SCAI: variants seen among roughly 807,000 people sequenced by gnomAD.
The protein encoded by SCAI is protein SCAI.
SCAI carries 24 observed loss-of-function variants against 92.2 expected under a neutral mutation model. The ratio of observed to expected loss-of-function variants is 0.26; its 90% confidence interval spans 0.19 to 0.37. The LOEUF (loss-of-function observed/expected upper bound fraction) is 0.37, where lower values mean the gene tolerates loss of function less well. Ranked by LOEUF, SCAI falls within the 10% of genes least tolerant of loss-of-function variation. The pLI is 1.00. For synonymous variants in SCAI, 261 were observed against 258.6 expected, an observed-to-expected ratio of 1.01 and a Z score of -0.09; for missense variants, 450 against 736.2, an observed-to-expected ratio of 0.61 and a Z score of 4.50.
intron 14 of SCAI, among the ~76,000 whole-genome samples, chr9:124,991,960 A>C (rs74731663): frequency 0.033 from 4,995 of 152,292 alleles, 217 homozygotes; most frequent in Admixed American, 0.091. Flanking sequence ...TCTCTCACTC[A>C]GGCTGGAATG....
At chr9:124,990,648 C>G (rs921467672) in intron 14 of SCAI, among the ~76,000 whole-genome samples, 2 of 151,530 alleles carry the variant, frequency 1.3e-5, no homozygotes, top group Admixed American at 1.3e-4. Flanking sequence ...ACTGAAGAAT[C>G]AAGAATTATC....
intron 2 of SCAI, among the ~76,000 whole-genome samples, chr9:125,107,512 T>A (rs746869601): frequency 9.2e-5 from 14 of 152,102 alleles, no homozygotes; most frequent in Non-Finnish European, 1.8e-4. Context: ...ATGCTTGTAA[T>A]CCTAGCTATT....
intron 11 of SCAI, among the ~76,000 whole-genome samples, chr9:125,002,313 G>A (rs952312781): frequency 2.6e-5 from 4 of 152,136 alleles, no homozygotes; most frequent in Admixed American, 1.3e-4. Context: ...CTTGAATGGA[G>A]AAGTAAAGAT....
intron 9 of SCAI, among the ~76,000 whole-genome samples, chr9:125,014,352 T>C (rs890498018): frequency 3.7e-4 from 56 of 152,208 alleles, no homozygotes; most frequent in African/African-American, 1.4e-3. Flanking sequence ...CAAAAATCAA[T>C]GTACAAAAAT....
intron 13 of SCAI, among the ~76,000 whole-genome samples, chr9:124,997,683 A>C (rs146174573): frequency 0.031 from 4,690 of 151,954 alleles, 186 homozygotes; most frequent in Admixed American, 0.091. Flanking sequence ...CAAGACCAGA[A>C]TGGCCAACAT....
At chr9:125,010,097 G>A (rs1261201231) in intron 9 of SCAI, among the ~76,000 whole-genome samples, 1 of 152,188 alleles carries the variant, frequency 6.6e-6, no homozygotes, top group Non-Finnish European at 1.5e-5. Flanking sequence ...CAGCTCCCAG[G>A]GTAAGCGACG....
chr9:125,093,722 C>T (rs1008009007), intron 2 of SCAI, among the ~76,000 whole-genome samples: 7 of 151,952 alleles, frequency 4.6e-5, no homozygotes, highest in Admixed American at 2.0e-4. Flanking sequence ...CACACTGACA[C>T]GCCTGGCTAA....
intron 2 of SCAI, among the ~76,000 whole-genome samples, chr9:125,116,600 A>G (rs1835051334): frequency 6.6e-6 from 1 of 152,134 alleles, no homozygotes; most frequent in Admixed American, 6.6e-5. Flanking sequence ...GGTTTTTACC[A>G]GTTTATAAGA....
At chr9:125,137,527 A>G (rs1221971344) in intron 2 of SCAI, among the ~76,000 whole-genome samples, 2 of 152,184 alleles carry the variant, frequency 1.3e-5, no homozygotes, top group Non-Finnish European at 2.9e-5. Flanking sequence ...CCATATACCA[A>G]AACCACATTG....
chr9:125,093,100 C>A (rs1402551115), intron 2 of SCAI, among the ~76,000 whole-genome samples: 1 of 152,200 alleles, frequency 6.6e-6, no homozygotes. Context: ...ATGGCTCATG[C>A]CTATAATCCC....
intron 6 of SCAI, among the ~76,000 whole-genome samples, chr9:125,023,960 G>A (rs113566875): frequency 2.2e-4 from 34 of 152,090 alleles, no homozygotes; most frequent in African/African-American, 7.5e-4. Flanking sequence ...AGAAAAAAGA[G>A]TGTGACTCAC....
At chr9:125,045,953 G>A (rs1833425285) in intron 3 of SCAI, among the ~76,000 whole-genome samples, 1 of 151,514 alleles carries the variant, frequency 6.6e-6, no homozygotes, top group African/African-American at 2.4e-5. Flanking sequence ...TTACACTGCT[G>A]GTGGGAATGT....
At chr9:125,075,052 T>C (rs1280931238) in intron 2 of SCAI, among the ~76,000 whole-genome samples, 3 of 151,848 alleles carry the variant, frequency 2.0e-5, no homozygotes, top group Non-Finnish European at 4.4e-5. Flanking sequence ...CTAAAAACAA[T>C]ACATACAAAC....
chr9:124,987,208 G>A (rs939715511), intron 14 of SCAI, among the ~76,000 whole-genome samples: 1 of 152,052 alleles, frequency 6.6e-6, no homozygotes, highest in Admixed American at 6.6e-5. Flanking sequence ...ATTTTTAGTA[G>A]AGATGGGGTT....
At chr9:125,127,879 G>A (rs1378241384) in intron 2 of SCAI, among the ~76,000 whole-genome samples, 3 of 151,916 alleles carry the variant, frequency 2.0e-5, no homozygotes, top group East Asian at 1.9e-4. Flanking sequence ...ATGGTGGTGC[G>A]TTCCTGTAGT....
At chr9:125,019,760 C>A (rs1279011148) in intron 7 of SCAI, among the ~76,000 whole-genome samples, 1 of 152,018 alleles carries the variant, frequency 6.6e-6, no homozygotes, top group East Asian at 1.9e-4. Context: ...CAGAGAGCTA[C>A]TTCTGGTGGC....
chr9:124,991,561 G>C (rs995830775), intron 14 of SCAI, among the ~76,000 whole-genome samples: 1 of 150,756 alleles, frequency 6.6e-6, no homozygotes, highest in Non-Finnish European at 1.5e-5. Flanking sequence ...CTTGCAGGTC[G>C]GGCATGGTGG....
At chr9:124,960,713 G>A (rs955531567) in intron 17 of SCAI, among the ~76,000 whole-genome samples, 5 of 152,206 alleles carry the variant, frequency 3.3e-5, no homozygotes, top group African/African-American at 7.2e-5. Flanking sequence ...CTGGAATGAT[G>A]CTATCTTGTA....
intron 2 of SCAI, among the ~76,000 whole-genome samples, chr9:125,136,855 G>C (rs1425232519): frequency 6.6e-6 from 1 of 150,576 alleles, no homozygotes; most frequent in African/African-American, 2.4e-5. Flanking sequence ...CCTTCTCCCA[G>C]GTTCAAGTGA....
Sources: gnomAD v4.1 joint callset for allele counts (sites outside exome capture counted in the v4.1 genomes callset) on GRCh38, gnomAD v4.1.1 for gene constraint, MANE v1.5 for transcripts, NCBI Gene and HGNC (gene_info 2026-07-23, HGNC 2026-07-21) for gene names.